Variants in NBPF10 observed in about 807,000 individuals in gnomAD.
The protein encoded by NBPF10 is NBPF family member NBPF10.
A neutral mutation model predicts 77.9 loss-of-function variants in NBPF10; 63 were observed. The observed-to-expected ratio is 0.81, with a 90% CI of 0.66 to 1.00. NBPF10 has a LOEUF of 1.00. Among genes scored for constraint, NBPF10 ranks in the 50% least tolerant of loss-of-function variants. The pLI is 0.00. For missense variants in NBPF10, 522 were observed against 679.8 expected, an observed-to-expected ratio of 0.77 and a Z score of 2.58; for synonymous variants, 146 against 264.5, an observed-to-expected ratio of 0.55 and a Z score of 4.35.
chr1:146,124,973 C>T (rs1357179399), intron 15 of NBPF10, 113 bp from the exon 16 acceptor site: 6 of 218,770 alleles, frequency 2.7e-5, no homozygotes, highest in Non-Finnish European at 3.9e-5. Context: ...AAGGACAGAT[C>T]CATTAACGAG....
chr1:146,067,757 G>A (rs587669364), intron 88 of NBPF10, among the ~76,000 whole-genome samples: 1 of 151,288 alleles, frequency 6.6e-6, no homozygotes, highest in African/African-American at 2.4e-5. Context: ...CAGGTCCAAT[G>A]TCATGAGAAT....
At chr1:146,143,721 CTTTTTA>C (rs1187221037) in intron 1 of NBPF10, among the ~76,000 whole-genome samples, 1 of 135,740 alleles carries the variant, frequency 7.4e-6, no homozygotes, top group Non-Finnish European at 1.6e-5. Context: ...GTACTCTCTG[CTTTTTA>C]TTTTTATTTT....
At chr1:146,139,311 G>C (rs1383373304) in intron 5 of NBPF10, among the ~76,000 whole-genome samples, 1 of 150,370 alleles carries the variant, frequency 6.7e-6, no homozygotes, top group African/African-American at 2.4e-5. Flanking sequence ...GGGTTTCACC[G>C]TGTTAGCCAG....
chr1:146,068,080 G>C (rs111932695), exon 88 of NBPF10: 3 of 536,302 alleles, frequency 5.6e-6, no homozygotes, highest in South Asian at 1.9e-5. Flanking sequence ...GCCTAAGTCA[G>C]GCAGTTCAAG....
chr1:146,125,910 G>A lies in NBPF10; in HGVS notation c.2026+326C>T, dbSNP rs1553789700. Among the ~76,000 whole-genome samples the A allele has an allele frequency of 2.0e-5, 3 of 151,354 alleles. 1 individual carries two copies. Among genetic ancestry groups the A allele is most frequent in the African/African-American group, 7.3e-5 (3 of 41,122 alleles). On this transcript the variant is annotated intron_variant, in intron 14 of 89. Transcript: ENST00000583866. ...GAGGATTTTAGACGCTGAAATTAGAGTAAAGGATGAAATCTACAAGATCTA... is the reference window on the plus strand; with the variant it reads ...GAGGATTTTAGACGCTGAAATTAGAATAAAGGATGAAATCTACAAGATCTA...
chr1:146,126,060 C>T (rs1455818668), intron 14 of NBPF10, among the ~76,000 whole-genome samples, 176 bp downstream of exon 14: 1 of 151,652 alleles, frequency 6.6e-6, no homozygotes, highest in African/African-American at 2.4e-5. Flanking sequence ...GCTCACTGAC[C>T]CATCCCTTGT....
chr1:146,066,701 A>C, intron 89 of NBPF10, 140 bp from the exon 90 acceptor site: 3 of 581,064 alleles, frequency 5.2e-6, no homozygotes, highest in Non-Finnish European at 9.2e-6. Context: ...AAAAAAATTT[A>C]TTGCCTTTAT....
At chr1:146,133,005 C>T (rs1350063936) in intron 10 of NBPF10, among the ~76,000 whole-genome samples, 10 of 15,390 alleles carry the variant, frequency 6.5e-4, no homozygotes, top group African/African-American at 1.5e-3. Context: ...TCCAGCCTTG[C>T]TTTATGGAAA....
At chr1:146,136,218 G>C (rs1410413195) in intron 7 of NBPF10, 135 bp downstream of exon 7, 2 of 803,374 alleles carry the variant, frequency 2.5e-6, no homozygotes, top group Admixed American at 4.5e-5. Context: ...ATAAATATTT[G>C]TGTGTAGCGA....
At chr1:146,125,057 A>AGG (rs1282160339) in intron 15 of NBPF10, among the ~76,000 whole-genome samples, 197 bp from the exon 16 acceptor site, 2 of 72,218 alleles carry the variant, frequency 2.8e-5, no homozygotes, top group Non-Finnish European at 5.2e-5. Context: ...AGACAGGGAG[A>AGG]GGGAGAGAGA....
intron 89 of NBPF10, among the ~76,000 whole-genome samples, chr1:146,066,765 G>C (rs1283257425): frequency 6.2e-4 from 94 of 151,642 alleles, no homozygotes; most frequent in Admixed American, 3.2e-3. Flanking sequence ...GACAGAGAGA[G>C]AGAGACAGAG....
At chr1:146,073,068 T>C (rs1274212323) in intron 81 of NBPF10, among the ~76,000 whole-genome samples, 167 bp from the exon 82 acceptor site, 1 of 60,768 alleles carries the variant, frequency 1.6e-5, no homozygotes, top group Non-Finnish European at 2.9e-5. Context: ...CAGGGCCAGG[T>C]AGAAAAGAAT....
intron 35 of NBPF10, among the ~76,000 whole-genome samples, chr1:146,109,351 G>C (rs61816434): frequency 1.4e-5 from 1 of 73,670 alleles, no homozygotes; most frequent in African/African-American, 4.3e-5. Context: ...CACACAGAGA[G>C]AGAGAGAGAG....
intron 20 of NBPF10, among the ~76,000 whole-genome samples, chr1:146,121,026 T>A (rs1159395970): frequency 2.9e-5 from 3 of 103,738 alleles, no homozygotes; most frequent in African/African-American, 1.3e-4. Context: ...CCCAAGTTTG[T>A]GCAAATGGTT....
chr1:146,067,143 A>C (rs782093500), intron 89 of NBPF10, 37 bp downstream of exon 89: 2 of 627,220 alleles, frequency 3.2e-6, no homozygotes, highest in African/African-American at 3.6e-5. Context: ...TCCAGGTGTT[A>C]ACACAGAACT....
intron 28 of NBPF10, among the ~76,000 whole-genome samples, chr1:146,114,949 CT>C (rs1657808895): frequency 1.2e-5 from 1 of 83,100 alleles, no homozygotes; most frequent in Non-Finnish European, 2.4e-5. Flanking sequence ...CCAAATCATA[CT>C]TCTGTGAATT....
intron 10 of NBPF10, among the ~76,000 whole-genome samples, chr1:146,132,913 C>CA (rs59023668): frequency 3.8e-4 from 6 of 15,588 alleles, no homozygotes; most frequent in South Asian, 1.4e-3. Context: ...GACTCCATTG[C>CA]AAAAAAAAAA....
intron 28 of NBPF10, among the ~76,000 whole-genome samples, chr1:146,114,892 T>C (rs1657796510): frequency 6.9e-5 from 4 of 57,816 alleles, no homozygotes; most frequent in African/African-American, 3.0e-4. Context: ...GCAAGAATTT[T>C]AGACACTGAA....
intron 5 of NBPF10, among the ~76,000 whole-genome samples, chr1:146,139,187 G>A (rs1397537899): frequency 7.0e-6 from 1 of 142,506 alleles, no homozygotes; most frequent in Non-Finnish European, 1.6e-5. Context: ...GCAAGCTCCG[G>A]TTCCTGGGTT....
Sources: gnomAD v4.1 joint callset for allele counts (sites outside exome capture counted in the v4.1 genomes callset) on GRCh38, gnomAD v4.1.1 for gene constraint, MANE v1.5 for transcripts, NCBI Gene and HGNC (gene_info 2026-07-23, HGNC 2026-07-21) for gene names.